The following LRP6 variants were observed in gnomAD, a reference collection of about 807,000 sequenced individuals.
LRP6 encodes the protein LDL receptor related protein 6.
Under a neutral mutation model 184.1 loss-of-function variants are expected in LRP6, and 43 were observed. That is an observed-to-expected ratio of 0.23 (90% CI 0.18 to 0.30). The LOEUF is 0.30. Ranked by LOEUF, LRP6 falls within the 10% of genes least tolerant of loss-of-function variation. The probability of loss-of-function intolerance (pLI) is 1.00; values close to 1 mark genes in which losing one functional copy is unlikely to be tolerated. For missense variants in LRP6, 1,571 were observed against 2,005.3 expected (o/e 0.78, Z 4.14); for synonymous variants, 719 against 684.9 (o/e 1.05, Z -0.78).
At chr12:12,134,359 T>C (rs1174100394) in intron 17 of LRP6, among the ~76,000 whole-genome samples, 2 of 152,218 alleles carry the variant, frequency 1.3e-5, no homozygotes, top group Non-Finnish European at 2.9e-5. Context: ...CCACTGTAGA[T>C]AATAGTATGA....
chr12:12,128,322 A>C (rs1047910863), intron 19 of LRP6, among the ~76,000 whole-genome samples: 3 of 152,152 alleles, frequency 2.0e-5, no homozygotes, highest in African/African-American at 7.2e-5. Context: ...TGTTGGCTTC[A>C]TTCTCTTCTG....
At chr12:12,229,513 AAAT>A (rs1456980868) in intron 2 of LRP6, among the ~76,000 whole-genome samples, 3 of 152,374 alleles carry the variant, frequency 2.0e-5, no homozygotes, top group Non-Finnish European at 4.4e-5. Flanking sequence ...TTCAAAAAAT[AAAT>A]AATAATTGGT....
chr12:12,258,238 T>C (rs1865520486), intron 1 of LRP6, among the ~76,000 whole-genome samples: 1 of 152,190 alleles, frequency 6.6e-6, no homozygotes, highest in South Asian at 2.1e-4. Flanking sequence ...TGCCTCAGCC[T>C]TCTAAGCAGC....
At chr12:12,136,162 G>A (rs1408928520) in intron 16 of LRP6, among the ~76,000 whole-genome samples, 1 of 151,916 alleles carries the variant, frequency 6.6e-6, no homozygotes, top group African/African-American at 2.4e-5. Context: ...ACTCCAGCCT[G>A]GGCGGCAGAG....
chr12:12,217,783 G>C (rs1864386919), intron 2 of LRP6, among the ~76,000 whole-genome samples: 1 of 152,108 alleles, frequency 6.6e-6, no homozygotes, highest in South Asian at 2.1e-4. Flanking sequence ...AGTTCAGTGG[G>C]GAAAAACAGT....
At chr12:12,266,659 C>G (rs753809756) in intron 1 of LRP6, 22 bp downstream of exon 1, 2 of 1,604,222 alleles carry the variant, frequency 1.2e-6, no homozygotes, top group Non-Finnish European at 1.7e-6. Context: ...CACCAACTTT[C>G]CAGTGCCCCC....
At position 12,266,688 on chromosome 12, in the gene LRP6, G is replaced by A. The variant is rs373824826; in HGVS notation, c.48C>T (p.Leu16=). 2.5e-5 allele frequency: 41 copies of A among 1,613,306 alleles called. No individual in the cohort carries two copies. The African/African-American group carries it at 3.6e-4, about 14-fold the overall frequency. The stretch of plus-strand genomic sequence containing the variant: ...TGCCCCCACTCTTCCCACCTCTCAG[G>A]AGCACACAGAAGCTGCAGGCCAGGA... ...RSLLACSFCV[L]LRAAPLLLYA... The change falls in exon 1 of 23, where the codon CTC becomes CTT. Residue 16 remains leucine (L), a synonymous_variant. Coordinates refer to ENST00000261349, the MANE Select transcript of LRP6 (RefSeq NM_002336.3).
chr12:12,253,667 T>C (rs1327193542), intron 1 of LRP6, among the ~76,000 whole-genome samples: 1 of 149,292 alleles, frequency 6.7e-6, no homozygotes, highest in Non-Finnish European at 1.5e-5. Context: ...GAGTGAGACA[T>C]GCGGTGTTTG....
At position 12,215,028 on chromosome 12, in the gene LRP6, G is replaced by A. The variant is rs114142286; in HGVS notation, c.450-11628C>T. On this transcript the variant is annotated intron_variant, in intron 2 of 22. Coordinates refer to ENST00000261349, the MANE Select transcript of LRP6 (RefSeq NM_002336.3). ...TGAACCCTTCGTTTTAGTCACTCAG[G>A]GAGATGGTTTGAGACTGAGTTCTCA... Among the ~76,000 whole-genome samples, 988 of 152,204 alleles carry A rather than the reference G, an allele frequency of 6.5e-3. 11 individuals carry two copies. The highest frequency in any genetic ancestry group is 0.023 in the African/African-American group (957 of 41,508).
intron 19 of LRP6, 75 bp from the exon 20 acceptor site, chr12:12,126,996 T>C: frequency 8.2e-7 from 1 of 1,218,842 alleles, no homozygotes. Context: ...AAAAGAGGGC[T>C]TGCTAATAGG....
At chr12:12,207,098 G>A (rs956715450) in intron 2 of LRP6, among the ~76,000 whole-genome samples, 1 of 152,198 alleles carries the variant, frequency 6.6e-6, no homozygotes, top group Admixed American at 6.5e-5. Flanking sequence ...CCAGGTTTGT[G>A]GCATAAACAT....
At chr12:12,229,746 C>G (rs1353030497) in intron 2 of LRP6, among the ~76,000 whole-genome samples, 1 of 152,138 alleles carries the variant, frequency 6.6e-6, no homozygotes, top group African/African-American at 2.4e-5. Flanking sequence ...AAATATCTCC[C>G]TTGGCTTCTC....
intron 3 of LRP6, among the ~76,000 whole-genome samples, chr12:12,200,427 C>CG (rs1236214773): frequency 6.6e-6 from 1 of 152,070 alleles, no homozygotes. Context: ...AGGATCTACC[C>CG]GGGGGCCCTT....
intron 2 of LRP6, among the ~76,000 whole-genome samples, chr12:12,215,612 A>T (rs1295127954): frequency 2.6e-5 from 4 of 151,718 alleles, no homozygotes; most frequent in Non-Finnish European, 5.9e-5. Context: ...CGGCCTCCCA[A>T]AGTGCTGGGA....
intron 1 of LRP6, among the ~76,000 whole-genome samples, chr12:12,246,488 C>T (rs2135921922): frequency 6.6e-6 from 1 of 151,642 alleles, no homozygotes; most frequent in South Asian, 2.1e-4. Flanking sequence ...CCCGGGAGTT[C>T]AAGACCAGCC....
At chr12:12,142,829 G>GT (rs761028211) in intron 15 of LRP6, among the ~76,000 whole-genome samples, 21 of 152,044 alleles carry the variant, frequency 1.4e-4, no homozygotes, top group Non-Finnish European at 5.9e-5. Flanking sequence ...TTTGACAAAG[G>GT]TTATCTACAG....
intron 1 of LRP6, 74 bp downstream of exon 1, chr12:12,266,607 T>G: frequency 4.5e-5 from 16 of 353,508 alleles, no homozygotes; most frequent in African/African-American, 1.1e-4. Flanking sequence ...GTCCCTCCCC[T>G]CCCCCTAGAC....
chr12:12,121,120 C>T lies in LRP6; in HGVS notation c.*6G>A. 6.3e-7 allele frequency: 1 copy of T among 1,585,886 alleles called. No individual in the cohort carries two copies. ...TTGGAGGCAGTCAGAGGAGGAGGGC[C>T]CCTCCTCAGGAGGAGTCTGTACAGG... On this transcript the variant is annotated 3_prime_UTR_variant, in exon 23 of 23. Transcript: ENST00000261349.
intron 2 of LRP6, among the ~76,000 whole-genome samples, chr12:12,212,259 C>G (rs1403472798): frequency 6.6e-6 from 1 of 152,190 alleles, no homozygotes. Flanking sequence ...TCTGCACTCA[C>G]CTGCTCGTGA....
Sources: allele counts gnomAD v4.1 joint callset (sites outside exome capture counted in the v4.1 genomes callset), GRCh38; gene constraint gnomAD v4.1.1; transcripts MANE v1.5; gene names NCBI Gene and HGNC (gene_info 2026-07-23, HGNC 2026-07-21).